The following RPS6KA2 variants were observed in gnomAD, a reference collection of about 807,000 sequenced individuals.
The protein encoded by RPS6KA2 is ribosomal protein S6 kinase alpha-2.
A neutral mutation model predicts 91.8 loss-of-function variants in RPS6KA2; 42 were observed. That is an observed-to-expected ratio of 0.46 (90% CI 0.36 to 0.59). The LOEUF (loss-of-function observed/expected upper bound fraction) is 0.59. RPS6KA2 is among the 20% of genes least tolerant of loss of function. The pLI is 0.00. For missense variants in RPS6KA2, 798 were observed against 978.5 expected (o/e 0.82, Z 2.46); for synonymous variants, 414 against 393.6 (o/e 1.05, Z -0.61).
At chr6:166,575,234 T>C (rs1425554701) in intron 1 of RPS6KA2, among the ~76,000 whole-genome samples, 2 of 152,254 alleles carry the variant, frequency 1.3e-5, no homozygotes, top group Non-Finnish European at 2.9e-5. Context: ...CAATGATTCA[T>C]GTGATTTTTT....
chr6:166,680,470 G>GT (rs968148470), intron 2 of RPS6KA2, among the ~76,000 whole-genome samples: 22 of 152,046 alleles, frequency 1.4e-4, no homozygotes, highest in Non-Finnish European at 5.9e-5. Context: ...TGGAAGGTTT[G>GT]TTTTTTTGCT....
intron 2 of RPS6KA2, among the ~76,000 whole-genome samples, chr6:166,699,605 C>T (rs1789452999): frequency 6.6e-6 from 1 of 152,118 alleles, no homozygotes; most frequent in African/African-American, 2.4e-5. Context: ...AACTCAAAAT[C>T]AATTCAGAGA....
chr6:166,861,810 TTACA>T (rs1231396674), intron 1 of RPS6KA2, among the ~76,000 whole-genome samples: 5 of 152,242 alleles, frequency 3.3e-5, no homozygotes, highest in Admixed American at 3.3e-4. Context: ...ACTTTAAGAC[TTACA>T]TAGACTTTAA....
At chr6:166,488,720 T>G in intron 10 of RPS6KA2, 113 bp downstream of exon 10, 3 of 741,922 alleles carry the variant, frequency 4.0e-6, no homozygotes, top group Non-Finnish European at 6.8e-6. Flanking sequence ...CTGTTTTCAG[T>G]GACCTTGGTT....
At chr6:166,463,472 C>T (rs1345487082) in intron 11 of RPS6KA2, 4 of 152,184 alleles carry the variant, frequency 2.6e-5, no homozygotes, top group Non-Finnish European at 5.9e-5. Flanking sequence ...TCTCATTTGT[C>T]CCAGGATGTC....
At chr6:166,708,148 G>C (rs1789734196) in intron 2 of RPS6KA2, among the ~76,000 whole-genome samples, 1 of 151,950 alleles carries the variant, frequency 6.6e-6, no homozygotes, top group East Asian at 1.9e-4. Flanking sequence ...AAAAATATTT[G>C]TGTTTTTTAT....
chr6:166,812,325 T>C (rs909767235), intron 2 of RPS6KA2, among the ~76,000 whole-genome samples: 1 of 152,104 alleles, frequency 6.6e-6, no homozygotes, highest in African/African-American at 2.4e-5. Flanking sequence ...TGCTGCACCC[T>C]GGCCTGGGCG....
At chr6:166,671,718 G>C (rs1788477683) in intron 2 of RPS6KA2, among the ~76,000 whole-genome samples, 1 of 152,192 alleles carries the variant, frequency 6.6e-6, no homozygotes, top group South Asian at 2.1e-4. Flanking sequence ...TCAGGGTGCA[G>C]ATATCAGGCT....
At position 166,632,855 on chromosome 6, in the gene RPS6KA2, G is replaced by C. The variant is rs372348763; in HGVS notation, c.124-94071C>G. Among the ~76,000 whole-genome samples, 46 of 152,228 alleles carry C rather than the reference G, an allele frequency of 3.0e-4. 1 individual carries two copies. In the South Asian group the frequency reaches 9.5e-3, roughly 32 times the overall value. ...CAGCGCAACTCAGGAACAGGGTCGG[G>C]GAGAGGCAGAGGCACACTGAGCGGT... On this transcript the variant is annotated intron_variant, in intron 2 of 21. Coordinates refer to the RPS6KA2 transcript ENST00000503859.
intron 10 of RPS6KA2, 104 bp downstream of exon 10, chr6:166,488,729 T>C: frequency 1.2e-6 from 1 of 806,208 alleles, no homozygotes; most frequent in South Asian, 1.5e-5. Context: ...GTGACCTTGG[T>C]TGGCATTGGG....
intron 2 of RPS6KA2, among the ~76,000 whole-genome samples, chr6:166,657,108 G>A (rs1235467114): frequency 1.3e-5 from 2 of 152,128 alleles, no homozygotes; most frequent in African/African-American, 4.8e-5. Context: ...CTGGAGCTGC[G>A]GAGCACCAGC....
chr6:166,861,122 G>A (rs1345577761), intron 1 of RPS6KA2, among the ~76,000 whole-genome samples: 1 of 152,258 alleles, frequency 6.6e-6, no homozygotes, highest in African/African-American at 2.4e-5. Flanking sequence ...GAAGCATTCA[G>A]TAAATTCTCT....
At position 166,648,275 on chromosome 6, in the gene RPS6KA2, C is replaced by T. The variant is rs1230017409; in HGVS notation, c.124-109491G>A. On this transcript the variant is annotated intron_variant, in intron 2 of 21. Coordinates refer to the RPS6KA2 transcript ENST00000503859. This position sits in a 1 kb window ranked among gnomAD's most constrained non-coding sequence, Gnocchi z 4.8. ...GCACACACACTCATGTTCATACACA[C>T]GCATGCACACAGTATGCACACACAC... is the stretch of plus-strand genomic sequence containing the variant. Among the ~76,000 whole-genome samples, 3 of 151,292 alleles carry T rather than the reference C, an allele frequency of 2.0e-5. No individual in the cohort carries two copies. Among genetic ancestry groups the T allele is most frequent in the African/African-American group, 4.9e-5 (2 of 41,130 alleles).
Position 166,603,770 on chromosome 6 carries a change from G to A in RPS6KA2, c.99+23151C>T, listed in dbSNP as rs1480569754. Among the ~76,000 whole-genome samples, 1 of 152,242 alleles carries A rather than the reference G, an allele frequency of 6.6e-6. No homozygotes were observed. The highest frequency in any genetic ancestry group is 2.4e-5 in the African/African-American group (1 of 41,462). ...GCAGAAGGGAGGCCAGGGAATGGCTGTGGCCCAGGTGTATCAAATAAATGC... is the reference window on the plus strand; with the variant it reads ...GCAGAAGGGAGGCCAGGGAATGGCTATGGCCCAGGTGTATCAAATAAATGC... On this transcript the variant is annotated intron_variant, in intron 1 of 20. Transcript: ENST00000265678. The surrounding 1 kb of genome is among the most constrained non-coding windows in gnomAD (Gnocchi z 4.3).
chr6:166,734,290 G>C (rs754627194), intron 2 of RPS6KA2, among the ~76,000 whole-genome samples: 2 of 152,186 alleles, frequency 1.3e-5, no homozygotes, highest in Non-Finnish European at 2.9e-5. Flanking sequence ...TCTCTCCTTA[G>C]CAGGGGTCTA....
chr6:166,675,691 CCT>C (rs1224746611), intron 2 of RPS6KA2, among the ~76,000 whole-genome samples: 1 of 152,144 alleles, frequency 6.6e-6, no homozygotes, highest in Admixed American at 6.5e-5. Flanking sequence ...CTATTTTGTG[CCT>C]GTTTCCAGTT....
chr6:166,454,583 T>C (rs190555420), intron 12 of RPS6KA2, among the ~76,000 whole-genome samples: 27 of 152,264 alleles, frequency 1.8e-4, no homozygotes, highest in African/African-American at 6.0e-4. Flanking sequence ...TTCAGTGATA[T>C]GTGTTACAGA....
chr6:166,495,958 G>T lies in RPS6KA2; in HGVS notation c.747+2550C>A, dbSNP rs560022661. ...TCATTTCCTCTTCTTCTGGCCCCTC[G>T]TCGTGTCTCCATCTTTGGATCATTC... is the stretch of plus-strand genomic sequence containing the variant. On this transcript the variant is annotated intron_variant, in intron 8 of 20. Transcript: ENST00000265678. This position sits in a 1 kb window ranked among gnomAD's most constrained non-coding sequence, Gnocchi z 4.4. 9.2e-5 allele frequency among the ~76,000 whole-genome samples: 14 copies of T among 152,324 alleles called. No homozygotes were observed. The highest frequency in any genetic ancestry group is 8.5e-4 in the Admixed American group (13 of 15,300).
chr6:166,653,252 G>A lies in RPS6KA2; in HGVS notation c.124-114468C>T, dbSNP rs539585033. Reference sequence around the variant, plus strand: ...ATTTTTGTATGTTTAGTAGAGACAGGGTTTCACCATGTTGGCCAGGCTGGT... The same window carrying A: ...ATTTTTGTATGTTTAGTAGAGACAGAGTTTCACCATGTTGGCCAGGCTGGT... On this transcript the variant is annotated intron_variant, in intron 2 of 21. Coordinates refer to the RPS6KA2 transcript ENST00000503859. Among the ~76,000 whole-genome samples, 93 of 152,344 alleles carry A rather than the reference G, an allele frequency of 6.1e-4. 1 individual carries two copies. Among genetic ancestry groups the A allele is most frequent in the Non-Finnish European group, 1.1e-3 (74 of 68,030 alleles).
Sources: gnomAD v4.1 joint callset for allele counts (sites outside exome capture counted in the v4.1 genomes callset) on GRCh38, gnomAD v4.1.1 for gene constraint, Gnocchi (gnomAD v3.1) non-coding constraint, MANE v1.5 for transcripts, NCBI Gene and HGNC (gene_info 2026-07-23, HGNC 2026-07-21) for gene names.